The following DOCK3 variants were observed in gnomAD, a reference collection of about 807,000 sequenced individuals.
DOCK3 encodes dedicator of cytokinesis 3, also known as dedicator of cytokinesis protein 3.
A neutral mutation model predicts 265.6 loss-of-function variants in DOCK3; 60 were observed. That is an observed-to-expected ratio of 0.23 (90% CI 0.18 to 0.28). DOCK3 has a LOEUF of 0.28. Among genes scored for constraint, DOCK3 ranks in the 10% least tolerant of loss-of-function variants. DOCK3 has a pLI of 1.00. For synonymous variants in DOCK3, 881 were observed against 938.0 expected, an observed-to-expected ratio of 0.94 and a Z score of 1.11; for missense variants, 1,981 against 2,594.3, an observed-to-expected ratio of 0.76 and a Z score of 5.14.
At position 51,381,463 on chromosome 3, in the gene DOCK3, G is replaced by C. The variant is rs200749760; in HGVS notation, c.5997G>C (p.Arg1999Ser). 6 of 1,597,728 alleles carry C rather than the reference G, an allele frequency of 3.8e-6. No individual in the cohort carries two copies. In the Admixed American group the frequency reaches 1.0e-4, roughly 28 times the overall value. The change falls in exon 53 of 53, where the codon AGG (arginine) becomes AGC (serine). Residue 1999 changes from arginine (R) to serine (S), a missense_variant. Coordinates refer to ENST00000266037, the MANE Select transcript of DOCK3 (RefSeq NM_004947.5). The surrounding 1 kb of genome is among the most constrained non-coding windows in gnomAD (Gnocchi z 5.6). Reference sequence around the variant, plus strand: ...TGCTGCTGCGTGAAGAGACTGAGAGGCCTCGAGGCCTGCACCGCAAGGCTC... The same window carrying C: ...TGCTGCTGCGTGAAGAGACTGAGAGCCCTCGAGGCCTGCACCGCAAGGCTC... ...EGVLLREETE[R>S]PRGLHRKAPL...
At chr3:51,032,621 G>A (rs2080096778) in intron 5 of DOCK3, among the ~76,000 whole-genome samples, 2 of 152,050 alleles carry the variant, frequency 1.3e-5, no homozygotes, top group African/African-American at 2.4e-5. Context: ...AATGAAAAAT[G>A]TGGAAGCTGG....
chr3:51,078,284 A>G (rs1350418551), intron 7 of DOCK3, among the ~76,000 whole-genome samples: 1 of 152,252 alleles, frequency 6.6e-6, no homozygotes, highest in East Asian at 1.9e-4. Flanking sequence ...TAGAAAATAG[A>G]GAAAAATCTC....
intron 33 of DOCK3, among the ~76,000 whole-genome samples, chr3:51,331,209 G>T (rs1055284801): frequency 1.3e-5 from 2 of 152,162 alleles, no homozygotes; most frequent in South Asian, 2.1e-4. Flanking sequence ...ATTTAAAAAG[G>T]GGGGAGTCTC....
At chr3:51,291,744 T>G (rs1297040005) in intron 27 of DOCK3, among the ~76,000 whole-genome samples, 1 of 152,196 alleles carries the variant, frequency 6.6e-6, no homozygotes, top group Non-Finnish European at 1.5e-5. Flanking sequence ...CCAAACTCAT[T>G]TCATGGGGCT....
intron 21 of DOCK3, among the ~76,000 whole-genome samples, chr3:51,245,386 CTTTCT>C (rs2078786110): frequency 8.1e-6 from 1 of 124,120 alleles, no homozygotes; most frequent in Non-Finnish European, 1.6e-5. Flanking sequence ...TCACCATTTT[CTTTCT>C]TTTTTTTTTT....
Position 50,675,384 on chromosome 3 carries a change from G to T in DOCK3, c.37+84G>T. The T allele has an allele frequency of 8.9e-7, 1 of 1,121,346 alleles. No individual in the cohort carries two copies. The highest frequency in any genetic ancestry group is 1.7e-5 in the African/African-American group (1 of 60,310). The allele number at this position is 1,121,346 out of a possible 1,614,324, so 69.5% of individuals were successfully genotyped here. A position where few individuals can be genotyped will look rare whatever the true frequency, so the allele number is the denominator to read the frequency against. ...GCCCCGCCTGGATTCGCATCCTCGT[G>T]CCCCCGCCACTGCCCGCAGGCTGCG... On this transcript the variant is annotated intron_variant, in intron 1 of 52. Coordinates refer to ENST00000266037, the MANE Select transcript of DOCK3 (RefSeq NM_004947.5). The surrounding 1 kb of genome is among the most constrained non-coding windows in gnomAD (Gnocchi z 6.1).
chr3:50,854,105 GTCT>G (rs1311856680), intron 3 of DOCK3, among the ~76,000 whole-genome samples: 5 of 152,094 alleles, frequency 3.3e-5, no homozygotes, highest in Middle Eastern at 3.4e-3. Flanking sequence ...CTGCTTCTGT[GTCT>G]TCTTTTGAGA....
intron 9 of DOCK3, among the ~76,000 whole-genome samples, chr3:51,118,629 A>G (rs569594619): frequency 6.6e-6 from 1 of 152,270 alleles, no homozygotes; most frequent in Non-Finnish European, 1.5e-5. Flanking sequence ...TTGCTTTATG[A>G]ATCTGGGTGC....
intron 9 of DOCK3, among the ~76,000 whole-genome samples, chr3:51,138,884 AT>A (rs1305812236): frequency 2.0e-5 from 3 of 152,308 alleles, no homozygotes; most frequent in Non-Finnish European, 4.4e-5. Context: ...ATAATTGGGG[AT>A]TGTTATATGC....
intron 2 of DOCK3, among the ~76,000 whole-genome samples, chr3:50,835,183 A>C (rs888380184): frequency 6.6e-6 from 1 of 152,176 alleles, no homozygotes; most frequent in African/African-American, 2.4e-5. Context: ...CTAACTTAAA[A>C]CAATTATTTA....
At position 50,973,049 on chromosome 3, in the gene DOCK3, C is replaced by CTTTTTTTTTTTTTTT. The variant is rs71858027; in HGVS notation, c.315+38982_315+38996dup. ...ACAATCCGTGGCATTCAGTGTGTTT[C>CTTTTTTTTTTTTTTT]TTTTTTTTTTTTTTTTTTTTTTTTG... On this transcript the variant is annotated intron_variant, in intron 5 of 52. Transcript: ENST00000266037. Among the ~76,000 whole-genome samples, 6 of 19,022 alleles carry CTTTTTTTTTTTTTTT rather than the reference C, an allele frequency of 3.2e-4. 3 individuals carry two copies. Among genetic ancestry groups the CTTTTTTTTTTTTTTT allele is most frequent in the African/African-American group, 4.4e-4 (2 of 4,564 alleles). The allele number at this position is 19,022 out of a possible 152,430, so 12.5% of individuals were successfully genotyped here.
At chr3:50,901,991 C>G (rs2049228507) in intron 4 of DOCK3, among the ~76,000 whole-genome samples, 1 of 152,244 alleles carries the variant, frequency 6.6e-6, no homozygotes, top group Middle Eastern at 3.4e-3. Flanking sequence ...CTGACAGGCC[C>G]CAGTATGTGT....
chr3:51,219,406 T>C (rs2089965696), intron 14 of DOCK3, among the ~76,000 whole-genome samples: 1 of 152,168 alleles, frequency 6.6e-6, no homozygotes, highest in Non-Finnish European at 1.5e-5. Context: ...TTAATAATCC[T>C]CATCAGCCTC....
In DOCK3 at chr3:51,268,629, T is replaced by C. The variant is rs542215526; in HGVS notation, c.2356-2186T>C. Among the ~76,000 whole-genome samples the C allele has an allele frequency of 1.6e-4, 25 of 152,292 alleles. No homozygotes were observed. The South Asian group carries it at 1.9e-3, about 11-fold the overall frequency. ...CTCATTTAAGATTAAAATAGTCTAC[T>C]TTTTTGTTTTCCGCTTGCCTCTGTG... is the stretch of plus-strand genomic sequence containing the variant. On this transcript the variant is annotated intron_variant, in intron 23 of 52. Coordinates refer to ENST00000266037, the MANE Select transcript of DOCK3 (RefSeq NM_004947.5).
intron 5 of DOCK3, among the ~76,000 whole-genome samples, chr3:51,030,853 T>C (rs986004988): frequency 1.3e-5 from 2 of 152,194 alleles, no homozygotes; most frequent in Admixed American, 1.3e-4. Flanking sequence ...TTAGTGGCCA[T>C]CCTCTCTCTG....
chr3:50,921,382 G>A lies in DOCK3; in HGVS notation c.219-12599G>A, dbSNP rs114301231. Among the ~76,000 whole-genome samples, 1,275 of 152,216 alleles carry A rather than the reference G, an allele frequency of 8.4e-3. 19 individuals carry two copies. The highest frequency in any genetic ancestry group is 0.029 in the African/African-American group (1,204 of 41,516). ...GCATGTGTCACGTAGTTCTTGTGGC[G>A]TGGTTTTCAGCTCCATCAGGTTATT... On this transcript the variant is annotated intron_variant, in intron 4 of 52. Coordinates refer to ENST00000266037, the MANE Select transcript of DOCK3 (RefSeq NM_004947.5).
Position 51,142,499 on chromosome 3 carries a change from T to A in DOCK3, c.747-4050T>A, listed in dbSNP as rs558874775. ...AAATGGAGACATAGAGCCTATGGCC[T>A]TTTTTCATTGAGTTTTTTCATTTAG... is the stretch of plus-strand genomic sequence containing the variant. On this transcript the variant is annotated intron_variant, in intron 9 of 52. Coordinates refer to ENST00000266037, the MANE Select transcript of DOCK3 (RefSeq NM_004947.5). 7.9e-4 allele frequency among the ~76,000 whole-genome samples: 121 copies of A among 152,292 alleles called. 1 individual carries two copies. The highest frequency in any genetic ancestry group is 2.6e-3 in the African/African-American group (110 of 41,564).
chr3:51,332,359 G>A (rs1476479096), intron 33 of DOCK3, among the ~76,000 whole-genome samples: 3 of 152,230 alleles, frequency 2.0e-5, no homozygotes, highest in African/African-American at 7.2e-5. Flanking sequence ...GCTGCCCTGA[G>A]GTACCAGGAG....
chr3:51,144,502 T>G (rs2085206639), intron 9 of DOCK3, among the ~76,000 whole-genome samples: 1 of 152,190 alleles, frequency 6.6e-6, no homozygotes, highest in African/African-American at 2.4e-5. Context: ...ATTTGCCCCA[T>G]GCATCTACTT....
Sources: allele counts gnomAD v4.1 joint callset (sites outside exome capture counted in the v4.1 genomes callset), GRCh38; gene constraint gnomAD v4.1.1; non-coding constraint Gnocchi (gnomAD v3.1); transcripts MANE v1.5; gene names NCBI Gene and HGNC (gene_info 2026-07-23, HGNC 2026-07-21).